CDK14: variants seen among roughly 807,000 people sequenced by gnomAD.
CDK14 encodes the protein cyclin-dependent kinase 14.
CDK14 carries 34 observed loss-of-function variants against 60.7 expected under a neutral mutation model. That is an observed-to-expected ratio of 0.56 (90% CI 0.43 to 0.75). CDK14 has a LOEUF of 0.75. Ranked by LOEUF, CDK14 falls within the 30% of genes least tolerant of loss-of-function variation. The probability of loss-of-function intolerance (pLI) is 0.00; values close to 1 mark genes in which losing one functional copy is unlikely to be tolerated. For synonymous variants in CDK14, 197 were observed against 203.7 expected (o/e 0.97, Z 0.28); for missense variants, 482 against 564.1 (o/e 0.85, Z 1.47).
chr7:90,974,240 C>A (rs988755455), intron 9 of CDK14, among the ~76,000 whole-genome samples: 5 of 152,078 alleles, frequency 3.3e-5, no homozygotes, highest in Non-Finnish European at 7.4e-5. Flanking sequence ...TTTCCTTGTT[C>A]CCTGAAAATT....
chr7:90,674,690 T>C (rs1032982561), intron 2 of CDK14, among the ~76,000 whole-genome samples: 4 of 152,168 alleles, frequency 2.6e-5, no homozygotes, highest in South Asian at 2.1e-4. Context: ...AGCATCTTTT[T>C]CCAAAACAGT....
intron 10 of CDK14, among the ~76,000 whole-genome samples, chr7:91,001,717 T>A (rs1217843733): frequency 6.6e-6 from 1 of 152,210 alleles, no homozygotes; most frequent in Non-Finnish European, 1.5e-5. Flanking sequence ...TGCGTATGTA[T>A]CTCCTAGCAA....
intron 8 of CDK14, among the ~76,000 whole-genome samples, chr7:90,944,971 T>G (rs374140806): frequency 1.3e-5 from 2 of 152,274 alleles, no homozygotes; most frequent in South Asian, 2.1e-4. Context: ...GTAGGAGTCA[T>G]CTGCTGAATA....
intron 14 of CDK14, among the ~76,000 whole-genome samples, chr7:91,131,343 A>G (rs1373559391): frequency 6.6e-6 from 1 of 152,130 alleles, no homozygotes; most frequent in Admixed American, 6.6e-5. Flanking sequence ...GAAGTACATG[A>G]TATCCACATA....
chr7:90,676,527 A>AT lies in CDK14; in HGVS notation c.124-50017dup, dbSNP rs60056655. ...CTCCAGGACCAGTCTTAGATGTTTCATTTTTTTTTTTTTTTTTTTTTTTGA... is the reference window on the plus strand; with the variant it reads ...CTCCAGGACCAGTCTTAGATGTTTCATTTTTTTTTTTTTTTTTTTTTTTTGA... On this transcript the variant is annotated intron_variant, in intron 2 of 14. Coordinates refer to ENST00000380050, the MANE Select transcript of CDK14 (RefSeq NM_001287135.2). Among the ~76,000 whole-genome samples the AT allele has an allele frequency of 1.9e-3, 269 of 142,056 alleles. 1 individual carries two copies. The highest frequency in any genetic ancestry group is 3.6e-3 in the South Asian group (16 of 4,454). The allele number at this position is 142,056 out of a possible 152,430, so 93.2% of individuals were successfully genotyped here. A position where few individuals can be genotyped will look rare whatever the true frequency, so the allele number is the denominator to read the frequency against.
At chr7:90,614,424 C>T (rs866853424) in intron 2 of CDK14, among the ~76,000 whole-genome samples, 8 of 125,758 alleles carry the variant, frequency 6.4e-5, no homozygotes, top group African/African-American at 2.4e-4. Flanking sequence ...CTTTAGGTCT[C>T]ATCAGCGTCT....
chr7:91,027,944 TCCACTCCCCTCC>T, intron 10 of CDK14, among the ~76,000 whole-genome samples: 3 of 83,584 alleles, frequency 3.6e-5, no homozygotes, highest in Non-Finnish European at 4.6e-5. Context: ...TCCCCTCCGC[TCCACTCCCCTCC>T]GCTCCCTTCT....
chr7:90,859,448 A>G (rs961162996), intron 5 of CDK14, among the ~76,000 whole-genome samples: 3 of 152,110 alleles, frequency 2.0e-5, no homozygotes, highest in African/African-American at 7.2e-5. Flanking sequence ...TCCAGTGCAG[A>G]CTCATTTGCA....
intron 9 of CDK14, among the ~76,000 whole-genome samples, chr7:90,975,165 C>G (rs1027934532): frequency 6.6e-6 from 1 of 152,130 alleles, no homozygotes; most frequent in East Asian, 1.9e-4. Flanking sequence ...TTTCCCTTTT[C>G]TAAGGGAGGA....
chr7:90,827,612 C>A (rs1242360195), intron 5 of CDK14, among the ~76,000 whole-genome samples: 2 of 152,178 alleles, frequency 1.3e-5, no homozygotes, highest in African/African-American at 4.8e-5. Context: ...AAACGCCAAC[C>A]TGTCTTCTGC....
At chr7:90,981,932 G>A (rs1795238759) in intron 9 of CDK14, among the ~76,000 whole-genome samples, 1 of 152,142 alleles carries the variant, frequency 6.6e-6, no homozygotes, top group African/African-American at 2.4e-5. Context: ...CTACTTCCCT[G>A]ACACTAATGT....
At chr7:90,936,041 TA>T (rs11444141) in intron 8 of CDK14, among the ~76,000 whole-genome samples, 78 of 146,128 alleles carry the variant, frequency 5.3e-4, no homozygotes, top group East Asian at 5.9e-4. Flanking sequence ...GACCCTGTCT[TA>T]AAAAAAAAAA....
At chr7:90,604,992 G>A (rs557879488) in intron 2 of CDK14, among the ~76,000 whole-genome samples, 2 of 152,290 alleles carry the variant, frequency 1.3e-5, no homozygotes, top group East Asian at 3.9e-4. Context: ...TGTGTATATA[G>A]ATTGTGTTTT....
At position 91,099,695 on chromosome 7, in the gene CDK14, T is replaced by A. The variant is rs945177548; in HGVS notation, c.1155-12847T>A. Among the ~76,000 whole-genome samples the A allele has an allele frequency of 1.3e-5, 2 of 152,246 alleles. 1 individual carries two copies. On this transcript the variant is annotated intron_variant, in intron 12 of 14. Transcript: ENST00000380050. ...GCTATTAACTTTATCCTAATCTGTATCCAGAAGTTGGAAAGGTTGTGAGTT... is the reference window on the plus strand; with the variant it reads ...GCTATTAACTTTATCCTAATCTGTAACCAGAAGTTGGAAAGGTTGTGAGTT...
At chr7:90,879,817 C>T (rs372587037) in intron 6 of CDK14, among the ~76,000 whole-genome samples, 9 of 151,860 alleles carry the variant, frequency 5.9e-5, no homozygotes, top group African/African-American at 1.5e-4. Flanking sequence ...CATTACCCAC[C>T]GAGAGAAGGA....
At chr7:90,985,258 TCATGTTTTAGCCATGGGA>T in intron 10 of CDK14, among the ~76,000 whole-genome samples, 1 of 152,312 alleles carries the variant, frequency 6.6e-6, no homozygotes, top group South Asian at 2.1e-4. Context: ...CCCTTCTCTG[TCATGTTTTAGCCATGGGA>T]CTTTAAGCAA....
intron 3 of CDK14, among the ~76,000 whole-genome samples, chr7:90,745,861 G>C (rs1803569191): frequency 6.6e-6 from 1 of 152,164 alleles, no homozygotes; most frequent in Non-Finnish European, 1.5e-5. Context: ...ATTTGTACTT[G>C]AGAATCACTG....
intron 11 of CDK14, among the ~76,000 whole-genome samples, chr7:91,071,377 C>A (rs967991171): frequency 6.6e-6 from 1 of 152,124 alleles, no homozygotes; most frequent in African/African-American, 2.4e-5. Flanking sequence ...CTGGCATGAT[C>A]CACCGAGAGG....
intron 2 of CDK14, among the ~76,000 whole-genome samples, chr7:90,639,971 A>G (rs1442901934): frequency 1.3e-5 from 2 of 152,080 alleles, no homozygotes; most frequent in African/African-American, 2.4e-5. Flanking sequence ...AGCCCGTAGG[A>G]AAAGCGCAGT....
Sources: allele counts gnomAD v4.1 joint callset (sites outside exome capture counted in the v4.1 genomes callset), GRCh38; gene constraint gnomAD v4.1.1; transcripts MANE v1.5; gene names NCBI Gene and HGNC (gene_info 2026-07-23, HGNC 2026-07-21).